The following NLGN4X variants were observed in gnomAD, a reference collection of about 807,000 sequenced individuals.
NLGN4X encodes the protein neuroligin-4, X-linked.
In NLGN4X, 3 loss-of-function variants were observed where a neutral mutation model predicts 40.3. The observed-to-expected ratio is 0.07, with a 90% CI of 0.03 to 0.19. The LOEUF is 0.19. NLGN4X is among the 10% of genes least tolerant of loss of function. The pLI is 1.00. For synonymous variants in NLGN4X, 270 were observed against 306.8 expected, an observed-to-expected ratio of 0.88 and a Z score of 1.25; for missense variants, 382 against 708.3, an observed-to-expected ratio of 0.54 and a Z score of 5.23.
At chrX:6,067,440 TCACA>T (rs758913698) in intron 2 of NLGN4X, among the ~76,000 whole-genome samples, 1 of 108,878 alleles carries the variant, frequency 9.2e-6, no homozygotes, top group Non-Finnish European at 1.9e-5. Flanking sequence ...TCCCAACAGA[TCACA>T]CACACACACA....
intron 1 of NLGN4X, among the ~76,000 whole-genome samples, chrX:6,179,099 A>AAAGGAAGGAAGGAAGGAAGGAAAGAAGG (rs1555998252): frequency 2.6e-5 from 2 of 78,205 alleles, no homozygotes. Flanking sequence ...ACCCTGAAAA[A>AAAGGAAGGAAGGAAGGAAGGAAAGAAGG]AAGGAAGGAA....
chrX:6,043,333 G>A (rs1003651282), intron 2 of NLGN4X, among the ~76,000 whole-genome samples: 11 of 110,435 alleles, frequency 1.0e-4, no homozygotes, highest in African/African-American at 3.3e-4. Flanking sequence ...CAAAATATGT[G>A]TGTATATATA....
chrX:6,010,096 T>C (rs1300261053), intron 3 of NLGN4X, among the ~76,000 whole-genome samples: 1 of 112,200 alleles, frequency 8.9e-6, no homozygotes, highest in East Asian at 2.8e-4. Flanking sequence ...TGTCTTGTTC[T>C]GATTAAGAGC....
intron 2 of NLGN4X, among the ~76,000 whole-genome samples, chrX:6,034,386 T>A (rs765358509): frequency 5.3e-5 from 6 of 112,592 alleles, no homozygotes; most frequent in Non-Finnish European, 1.1e-4. Context: ...ATCCATTTAT[T>A]TGTTGAGTGA....
At chrX:6,172,029 A>G (rs1359463374) in intron 1 of NLGN4X, among the ~76,000 whole-genome samples, 4 of 111,531 alleles carry the variant, frequency 3.6e-5, no homozygotes, top group African/African-American at 1.3e-4. Flanking sequence ...ACCTTCTGTC[A>G]TGATTGACAC....
rs144395474 is a variant in NLGN4X at position 6,022,731 on chromosome X, G to T, written c.625+6549C>A. 1.8e-3 allele frequency among the ~76,000 whole-genome samples: 202 copies of T among 111,619 alleles called. 1 individual carries two copies. The highest frequency in any genetic ancestry group is 6.1e-3 in the African/African-American group (186 of 30,712). The stretch of plus-strand genomic sequence containing the variant: ...CTCACACATATCACAAAAGCATAAA[G>T]GTGAGACCACTCTGGCCGATGTTGC... On this transcript the variant is annotated intron_variant, in intron 3 of 5. Coordinates refer to ENST00000381095, the MANE Select transcript of NLGN4X (RefSeq NM_181332.3).
intron 3 of NLGN4X, among the ~76,000 whole-genome samples, chrX:5,956,831 GT>G (rs1176191496): frequency 1.8e-5 from 2 of 112,117 alleles, no homozygotes; most frequent in African/African-American, 6.5e-5. Context: ...TTGTCCTCTT[GT>G]TTCTTTGATA....
chrX:5,968,457 C>CTCTCTCTCTCTGTGTGTG (rs1192942244), intron 3 of NLGN4X, among the ~76,000 whole-genome samples: 3 of 47,022 alleles, frequency 6.4e-5, no homozygotes, highest in African/African-American at 3.3e-4. Context: ...CTCTCTCTCT[C>CTCTCTCTCTCTGTGTGTG]TGTGTGTGTG....
chrX:6,035,302 T>G (rs2036973875), intron 2 of NLGN4X, among the ~76,000 whole-genome samples: 1 of 111,619 alleles, frequency 9.0e-6, no homozygotes, highest in African/African-American at 3.3e-5. Flanking sequence ...GTGTAAAAGT[T>G]TTTAATTTTG....
rs1555977378 is a variant in NLGN4X, at chrX:6,116,315, A to AAC, written c.472+34679_472+34680insGT. Among the ~76,000 whole-genome samples, 54 of 94,292 alleles carry AAC rather than the reference A, an allele frequency of 5.7e-4. 3 individuals carry two copies. Among genetic ancestry groups the AAC allele is most frequent in the African/African-American group, 2.1e-3 (50 of 23,445 alleles). The allele number at this position is 94,292 out of a possible 115,157, so 81.9% of individuals were successfully genotyped here. ...CAAAAAAAAAAAAAAAAAAAAAAAA[A>AAC]AACACTGTGAAAGAGCGGAAACTTT... On this transcript the variant is annotated intron_variant, in intron 2 of 5. Coordinates refer to ENST00000381095, the MANE Select transcript of NLGN4X (RefSeq NM_181332.3).
intron 3 of NLGN4X, among the ~76,000 whole-genome samples, chrX:5,998,716 GGAAAAAAAAGA>G (rs1262510952): frequency 9.0e-6 from 1 of 111,649 alleles, no homozygotes; most frequent in East Asian, 2.8e-4. Context: ...TAAACACTGG[GGAAAAAAAAGA>G]GGAAAAAAAG....
intron 2 of NLGN4X, among the ~76,000 whole-genome samples, chrX:6,096,706 G>A (rs1372512269): frequency 8.9e-6 from 1 of 111,862 alleles, no homozygotes; most frequent in Non-Finnish European, 1.9e-5. Flanking sequence ...CTCATCTGGA[G>A]GCCAACATTA....
At chrX:6,112,266 T>G (rs967265046) in intron 2 of NLGN4X, among the ~76,000 whole-genome samples, 2 of 111,386 alleles carry the variant, frequency 1.8e-5, no homozygotes, top group Non-Finnish European at 3.8e-5. Context: ...CAAGATACCC[T>G]TGTAACACAC....
chrX:6,049,239 G>A (rs1394757560), intron 2 of NLGN4X, among the ~76,000 whole-genome samples: 10 of 5,516 alleles, frequency 1.8e-3, no homozygotes, highest in Non-Finnish European at 5.7e-3. Flanking sequence ...GGGGAGGGGA[G>A]GGGAGGGGAG....
At chrX:6,182,933 G>C in intron 1 of NLGN4X, among the ~76,000 whole-genome samples, 1 of 112,103 alleles carries the variant, frequency 8.9e-6, no homozygotes, top group Non-Finnish European at 1.9e-5. Context: ...TTACAGCTGA[G>C]AACATGAACA....
chrX:5,923,744 TG>T (rs757571758), intron 3 of NLGN4X, among the ~76,000 whole-genome samples: 8 of 111,754 alleles, frequency 7.2e-5, no homozygotes, highest in Non-Finnish European at 1.5e-4. Context: ...GAGATTTGGG[TG>T]GGGACACAAC....
At chrX:6,158,070 A>G (rs1230336407) in intron 1 of NLGN4X, among the ~76,000 whole-genome samples, 1 of 112,130 alleles carries the variant, frequency 8.9e-6, no homozygotes, top group Non-Finnish European at 1.9e-5. Flanking sequence ...GTGAAATTAA[A>G]TGTTTTCCAG....
intron 3 of NLGN4X, among the ~76,000 whole-genome samples, chrX:5,914,865 T>C (rs752148174): frequency 2.6e-4 from 29 of 112,104 alleles, no homozygotes; most frequent in African/African-American, 9.4e-4. Flanking sequence ...GTCAAACAGA[T>C]GCAAAACTAA....
chrX:5,965,904 AT>A (rs1872719700), intron 3 of NLGN4X, among the ~76,000 whole-genome samples: 1 of 111,897 alleles, frequency 8.9e-6, no homozygotes, highest in Admixed American at 9.5e-5. Context: ...CCCAAACCCC[AT>A]AAAAAATCCA....
Sources: allele counts gnomAD v4.1 joint callset (sites outside exome capture counted in the v4.1 genomes callset), GRCh38; gene constraint gnomAD v4.1.1; transcripts MANE v1.5; gene names NCBI Gene and HGNC (gene_info 2026-07-23, HGNC 2026-07-21).